Variants in UGT1A8 observed in about 807,000 individuals in gnomAD.
UGT1A8 encodes UDP glucuronosyltransferase family 1 member A8, also known as UDP-glucuronosyltransferase 1A8.
UGT1A8 carries 39 observed loss-of-function variants against 45.3 expected under a neutral mutation model. The observed-to-expected ratio is 0.86, with a 90% CI of 0.67 to 1.12. UGT1A8 has a LOEUF of 1.12. UGT1A8 is among the 50% of genes most tolerant of loss of function. The probability of loss-of-function intolerance (pLI) is 0.00; values close to 1 mark genes in which losing one functional copy is unlikely to be tolerated. For synonymous variants in UGT1A8, 275 were observed against 249.2 expected, an observed-to-expected ratio of 1.10 and a Z score of -0.97; for missense variants, 719 against 664.9, an observed-to-expected ratio of 1.08 and a Z score of -0.90.
intron 1 of UGT1A8, chr2:233,760,314 C>T (rs2125982476): frequency 1.2e-6 from 2 of 1,613,914 alleles, no homozygotes; most frequent in Non-Finnish European, 1.7e-6. Context: ...AGGGCGGACG[C>T]CCACTTGTCC....
intron 1 of UGT1A8, among the ~76,000 whole-genome samples, chr2:233,762,541 G>A (rs1437791654): frequency 6.6e-6 from 1 of 152,290 alleles, no homozygotes; most frequent in African/African-American, 2.4e-5. Flanking sequence ...GTGTACCACA[G>A]TGTATTCTGC....
At chr2:233,729,672 TAAGG>T (rs769537040) in intron 1 of UGT1A8, 1 of 1,613,976 alleles carries the variant, frequency 6.2e-7, no homozygotes, top group Non-Finnish European at 8.5e-7. Flanking sequence ...ATTTAGACTT[TAAGG>T]GCACACAGTG....
rs760019185 is a variant in UGT1A8, at chr2:233,760,846, C to T, written c.856-6188C>T. 1 of 1,613,970 alleles carries T rather than the reference C, an allele frequency of 6.2e-7. No individual in the cohort carries two copies. Among genetic ancestry groups the T allele is most frequent in the Non-Finnish European group, 8.5e-7 (1 of 1,179,912 alleles). On this transcript the variant is annotated intron_variant, in intron 1 of 4. Coordinates refer to ENST00000373450, the MANE Select transcript of UGT1A8 (RefSeq NM_019076.5). ...CCTGGAATTTGAGGCTACCCAGTGC[C>T]CCAACCCATTCTCCTACGTGCCCAG... is the stretch of plus-strand genomic sequence containing the variant.
chr2:233,756,969 C>G (rs1044581590), intron 1 of UGT1A8, among the ~76,000 whole-genome samples: 1 of 151,840 alleles, frequency 6.6e-6, no homozygotes, highest in East Asian at 1.9e-4. Flanking sequence ...TTGGTAAGCA[C>G]GCAATGAACA....
intron 1 of UGT1A8, among the ~76,000 whole-genome samples, chr2:233,753,939 G>C (rs753977947): frequency 3.0e-4 from 45 of 152,164 alleles, no homozygotes; most frequent in Non-Finnish European, 6.2e-4. Flanking sequence ...GGATTCAAAT[G>C]TATGACCTCC....
At chr2:233,651,374 G>C (rs2073736940) in intron 1 of UGT1A8, among the ~76,000 whole-genome samples, 1 of 152,036 alleles carries the variant, frequency 6.6e-6, no homozygotes, top group African/African-American at 2.4e-5. Context: ...TATAAAATAG[G>C]AAACATATTG....
At chr2:233,747,099 C>T (rs1382470135) in intron 1 of UGT1A8, 1 of 1,328,162 alleles carries the variant, frequency 7.5e-7, no homozygotes, top group African/African-American at 1.5e-5. Context: ...ACTCTATCTT[C>T]CAATTACATG....
chr2:233,771,091 C>CAGG (rs1700235837), intron 4 of UGT1A8: 1 of 152,122 alleles, frequency 6.6e-6, no homozygotes, highest in African/African-American at 2.4e-5. Flanking sequence ...AACTCACTAT[C>CAGG]AGGAAGACAG....
chr2:233,690,703 T>A, intron 1 of UGT1A8: 1 of 1,231,228 alleles, frequency 8.1e-7, no homozygotes, highest in South Asian at 1.4e-5. Context: ...TCTTTAGGGA[T>A]CGTCATTATG....
chr2:233,637,050 T>A, intron 1 of UGT1A8: 2 of 1,614,018 alleles, frequency 1.2e-6, no homozygotes, highest in Non-Finnish European at 1.7e-6. Context: ...TTTGCCACCA[T>A]CTTGAAGAAG....
intron 1 of UGT1A8, among the ~76,000 whole-genome samples, chr2:233,667,687 A>T (rs541151783): frequency 6.6e-6 from 1 of 152,242 alleles, no homozygotes; most frequent in Non-Finnish European, 1.5e-5. Context: ...ATTTACAAGA[A>T]AAAATCAAAC....
At chr2:233,669,920 C>T (rs1318913879) in intron 1 of UGT1A8, among the ~76,000 whole-genome samples, 4 of 152,076 alleles carry the variant, frequency 2.6e-5, no homozygotes, top group Admixed American at 1.3e-4. Context: ...CCTGGCCTCC[C>T]GTGATACGCC....
intron 1 of UGT1A8, among the ~76,000 whole-genome samples, chr2:233,621,996 T>G (rs1466747484): frequency 6.6e-6 from 1 of 152,198 alleles, no homozygotes; most frequent in Non-Finnish European, 1.5e-5. Flanking sequence ...TTTTCTGTCC[T>G]TGTGATAGTT....
chr2:233,752,430 A>C (rs1694969387), intron 1 of UGT1A8: 2 of 152,050 alleles, frequency 1.3e-5, no homozygotes, highest in African/African-American at 4.8e-5. Context: ...GATTTATCGA[A>C]CCCTTTTATA....
intron 1 of UGT1A8, among the ~76,000 whole-genome samples, chr2:233,670,602 A>G (rs2074163735): frequency 6.6e-6 from 1 of 152,204 alleles, no homozygotes; most frequent in Non-Finnish European, 1.5e-5. Flanking sequence ...AAAAGCACTC[A>G]TCTCCATCAA....
chr2:233,682,670 T>C, intron 1 of UGT1A8: 2 of 1,613,882 alleles, frequency 1.2e-6, no homozygotes, highest in Non-Finnish European at 1.7e-6. Flanking sequence ...ATATGATCTC[T>C]ACAGCCACAC....
chr2:233,631,148 TG>T (rs2073179450), intron 1 of UGT1A8, among the ~76,000 whole-genome samples: 1 of 152,212 alleles, frequency 6.6e-6, no homozygotes, highest in South Asian at 2.1e-4. Flanking sequence ...GCTTCATCCA[TG>T]TCCCTGCAAA....
intron 1 of UGT1A8, chr2:233,681,944 C>T: frequency 6.2e-7 from 1 of 1,612,684 alleles, no homozygotes; most frequent in Non-Finnish European, 8.5e-7. Context: ...TCTGATGGCT[C>T]GTGCAGGGTG....
rs1559329387 is a variant in UGT1A8, at chr2:233,661,631, C to A, written c.855+43069C>A. On this transcript the variant is annotated intron_variant, in intron 1 of 4. Transcript: ENST00000373450. ...AGTGAAGACTTACTGAATTTTCTTT[C>A]TTTCTTTCTTTCTTTCTTTCTTTCT... 2.5e-5 allele frequency among the ~76,000 whole-genome samples: 3 copies of A among 122,328 alleles called. No homozygotes were observed. In the East Asian group the frequency reaches 6.5e-4, roughly 26 times the overall value. 80.3% of individuals were successfully genotyped at this position (122,328 alleles called of 152,430 possible).
Sources: gnomAD v4.1 joint callset for allele counts (sites outside exome capture counted in the v4.1 genomes callset) on GRCh38, gnomAD v4.1.1 for gene constraint, MANE v1.5 for transcripts, NCBI Gene and HGNC (gene_info 2026-07-23, HGNC 2026-07-21) for gene names.